Variants in QTMAN observed in about 807,000 individuals in gnomAD.
QTMAN encodes the protein tRNA-queuosine alpha-mannosyltransferase.
chr2:144,010,153 A>T, the QTMAN span, among the ~76,000 whole-genome samples: 5 of 152,112 alleles, frequency 3.3e-5, no homozygotes, highest in African/African-American at 1.2e-4. Flanking sequence ...TCTTACTCAT[A>T]AAATTCATTT....
chr2:143,981,247 A>AGAATGAAT, the QTMAN span, among the ~76,000 whole-genome samples: 1 of 152,244 alleles, frequency 6.6e-6, no homozygotes, highest in Non-Finnish European at 1.5e-5. Context: ...ATACGGCTTT[A>AGAATGAAT]GAATGAATGA....
chr2:144,243,157 C>A, the QTMAN span, among the ~76,000 whole-genome samples: 2 of 151,962 alleles, frequency 1.3e-5, no homozygotes, highest in Non-Finnish European at 2.9e-5. Flanking sequence ...TGCTGAAGAG[C>A]TAATCAAAAA....
the QTMAN span, among the ~76,000 whole-genome samples, chr2:143,963,477 C>A: frequency 1.3e-5 from 2 of 151,176 alleles, no homozygotes; most frequent in African/African-American, 4.9e-5. Context: ...CCATTTCTGC[C>A]TAGTTTTTTT....
chr2:144,125,176 T>C, the QTMAN span, among the ~76,000 whole-genome samples: 1 of 152,024 alleles, frequency 6.6e-6, no homozygotes, highest in Non-Finnish European at 1.5e-5. Flanking sequence ...AAAAATGCCA[T>C]GCAAATAGAA....
the QTMAN span, among the ~76,000 whole-genome samples, chr2:144,064,449 T>C: frequency 6.6e-6 from 1 of 152,174 alleles, no homozygotes; most frequent in Non-Finnish European, 1.5e-5. Flanking sequence ...TTGAGTATTA[T>C]AAGATAATAT....
chr2:143,938,653 T>G, the QTMAN span: 1 of 152,212 alleles, frequency 6.6e-6, no homozygotes, highest in East Asian at 1.9e-4. Context: ...TTCAATTTTT[T>G]TTTTCATCAA....
the QTMAN span, among the ~76,000 whole-genome samples, chr2:144,307,188 T>TAAAAAAAAAAAAAAAAAAAAA: frequency 2.5e-5 from 2 of 81,270 alleles, no homozygotes; most frequent in Non-Finnish European, 5.3e-5. Flanking sequence ...AAAAAACAAT[T>TAAAAAAAAAAAAAAAAAAAAA]AAAAAAAAAA....
chr2:144,332,646 C>G, the QTMAN span: 1 of 151,522 alleles, frequency 6.6e-6, no homozygotes, highest in Non-Finnish European at 1.5e-5. Flanking sequence ...TCTGCGCCGC[C>G]CGGACTCCGC....
chr2:144,092,870 G>GGTGTGTGTGTGTGTGT, the QTMAN span, among the ~76,000 whole-genome samples: 28 of 140,724 alleles, frequency 2.0e-4, no homozygotes, highest in East Asian at 2.9e-3. Flanking sequence ...AAACTTTTGG[G>GGTGTGTGTGTGTGTGT]GTGTGTGTGT....
chr2:144,161,235 C>T, the QTMAN span, among the ~76,000 whole-genome samples: 1 of 152,130 alleles, frequency 6.6e-6, no homozygotes, highest in Non-Finnish European at 1.5e-5. Context: ...ATGATTATGA[C>T]TCATATCATC....
At chr2:144,119,871 CAAAACAA>C in the QTMAN span, among the ~76,000 whole-genome samples, 1 of 143,336 alleles carries the variant, frequency 7.0e-6, no homozygotes, top group African/African-American at 3.0e-5. Flanking sequence ...CAAAACAAAA[CAAAACAA>C]AAAACAAAAA....
chr2:144,209,419 T>C, the QTMAN span, among the ~76,000 whole-genome samples: 1 of 152,234 alleles, frequency 6.6e-6, no homozygotes, highest in East Asian at 1.9e-4. Context: ...AAGCAATTTC[T>C]TGAGACACTA....
chr2:144,262,765 C>G, the QTMAN span, among the ~76,000 whole-genome samples: 1 of 18,856 alleles, frequency 5.3e-5, no homozygotes. Context: ...GGGAGGAGAG[C>G]AGAGATGGAA....
At chr2:144,167,998 C>G in the QTMAN span, among the ~76,000 whole-genome samples, 1 of 152,156 alleles carries the variant, frequency 6.6e-6, no homozygotes, top group Non-Finnish European at 1.5e-5. Context: ...GTCTTCAACT[C>G]CTTTCTAACA....
At chr2:144,283,681 T>C in the QTMAN span, among the ~76,000 whole-genome samples, 1 of 152,100 alleles carries the variant, frequency 6.6e-6, no homozygotes, top group Non-Finnish European at 1.5e-5. Flanking sequence ...AACCAAAATA[T>C]AGTTACTTGA....
the QTMAN span, among the ~76,000 whole-genome samples, chr2:144,319,208 T>C: frequency 0.087 from 13,284 of 152,176 alleles, 797 homozygotes; most frequent in Middle Eastern, 0.22. Flanking sequence ...GAAAAGGATG[T>C]TTTCCTAGAA....
chr2:143,978,532 A>T, the QTMAN span, among the ~76,000 whole-genome samples: 1 of 152,182 alleles, frequency 6.6e-6, no homozygotes, highest in Non-Finnish European at 1.5e-5. Context: ...CTTGCCAATG[A>T]ATTCCCTTTC....
At chr2:144,023,835 T>C in the QTMAN span, among the ~76,000 whole-genome samples, 6 of 152,198 alleles carry the variant, frequency 3.9e-5, no homozygotes, top group African/African-American at 1.2e-4. Flanking sequence ...GGAGTTCTCA[T>C]AGAAAATAAA....
At chr2:143,968,434 C>T in the QTMAN span, among the ~76,000 whole-genome samples, 66 of 152,150 alleles carry the variant, frequency 4.3e-4, no homozygotes, top group Non-Finnish European at 8.8e-4. Flanking sequence ...AATTACTCAC[C>T]TGTAATTACT....
Sources: allele counts gnomAD v4.1 joint callset (sites outside exome capture counted in the v4.1 genomes callset), GRCh38; gene constraint gnomAD v4.1.1; transcripts MANE v1.5; gene names NCBI Gene and HGNC (gene_info 2026-07-23, HGNC 2026-07-21).